ATP2C1: variants seen among roughly 807,000 people sequenced by gnomAD.
ATP2C1 encodes the protein ATPase secretory pathway Ca2+ transporting 1.
Under a neutral mutation model 120.5 loss-of-function variants are expected in ATP2C1, and 31 were observed. The ratio of observed to expected loss-of-function variants is 0.26; its 90% CI spans 0.19 to 0.35. The LOEUF is 0.35. Among genes scored for constraint, ATP2C1 ranks in the 10% least tolerant of loss-of-function variants. The pLI is 1.00. For synonymous variants in ATP2C1, 351 were observed against 358.7 expected (o/e 0.98, Z 0.24); for missense variants, 731 against 1,107.5 (o/e 0.66, Z 4.83).
In ATP2C1 at chr3:130,913,930, T is replaced by TA. The variant is rs200812079; in HGVS notation, c.7-16480dup. Reference sequence around the variant, plus strand: ...TTCTTTAATCTTTAATTTCCCTATCTAAAAAAGTAGTAAAAATAATGCCCT... The same window carrying TA: ...TTCTTTAATCTTTAATTTCCCTATCTAAAAAAAGTAGTAAAAATAATGCCCT... On this transcript the variant is annotated intron_variant, in intron 2 of 27. Transcript: ENST00000510168. Among the ~76,000 whole-genome samples the TA allele has an allele frequency of 5.1e-3, 780 of 152,254 alleles. 6 individuals carry two copies. The highest frequency in any genetic ancestry group is 0.018 in the African/African-American group (749 of 41,550).
At chr3:130,871,693 C>T (rs2068435592) in intron 1 of ATP2C1, among the ~76,000 whole-genome samples, 1 of 152,160 alleles carries the variant, frequency 6.6e-6, no homozygotes, top group Non-Finnish European at 1.5e-5. Flanking sequence ...TTTTCATTCA[C>T]CTTGGCTGAT....
intron 20 of ATP2C1, among the ~76,000 whole-genome samples, chr3:130,989,804 A>G (rs1355831957): frequency 6.6e-6 from 1 of 152,244 alleles, no homozygotes; most frequent in East Asian, 1.9e-4. Flanking sequence ...AGCTTTTGCC[A>G]AACACTTGTT....
intron 10 of ATP2C1, 54 bp from the exon 11 acceptor site, chr3:130,956,050 T>C (rs1268720290): frequency 3.2e-6 from 4 of 1,254,792 alleles, no homozygotes; most frequent in South Asian, 2.4e-5. Context: ...TGGCACTTGA[T>C]AAAGCTTAGT....
At chr3:130,973,653 G>C (rs906247326) in intron 17 of ATP2C1, among the ~76,000 whole-genome samples, 7 of 152,120 alleles carry the variant, frequency 4.6e-5, no homozygotes, top group Non-Finnish European at 8.8e-5. Flanking sequence ...GGAAACTTAT[G>C]AATTATTTAT....
intron 2 of ATP2C1, among the ~76,000 whole-genome samples, chr3:130,924,752 CTTTG>C (rs967343571): frequency 9.2e-5 from 14 of 152,122 alleles, no homozygotes; most frequent in Non-Finnish European, 1.5e-4. Flanking sequence ...TTCACGGATG[CTTTG>C]TTTATTTTTT....
chr3:130,998,701 C>T (rs928284403), intron 26 of ATP2C1, among the ~76,000 whole-genome samples: 1 of 152,182 alleles, frequency 6.6e-6, no homozygotes, highest in African/African-American at 2.4e-5. Context: ...GAACAAACCT[C>T]ATAGTTTCTG....
At chr3:130,858,115 G>A (rs1384094660) in intron 1 of ATP2C1, among the ~76,000 whole-genome samples, 1 of 152,126 alleles carries the variant, frequency 6.6e-6, no homozygotes, top group Admixed American at 6.5e-5. Context: ...TCTTCTGCCT[G>A]CTTTATTCTA....
chr3:130,936,621 GC>G (rs1252401735), intron 5 of ATP2C1, among the ~76,000 whole-genome samples: 4 of 151,604 alleles, frequency 2.6e-5, no homozygotes, highest in African/African-American at 9.7e-5. Flanking sequence ...GACCATCCTG[GC>G]TAACATGGTG....
intron 2 of ATP2C1, among the ~76,000 whole-genome samples, chr3:130,905,341 G>A (rs1484976276): frequency 2.0e-5 from 3 of 151,816 alleles, no homozygotes; most frequent in African/African-American, 7.3e-5. Context: ...TCCACCATAG[G>A]GTCCATTTTG....
intron 1 of ATP2C1, among the ~76,000 whole-genome samples, chr3:130,870,488 C>T (rs1342243673): frequency 6.6e-6 from 1 of 152,184 alleles, no homozygotes. Flanking sequence ...AAAGTGTCAA[C>T]ATTAACAGGA....
chr3:130,991,628 T>C lies in ATP2C1; in HGVS notation c.1840-1323T>C, dbSNP rs184413222. ...GAAGTGGTTTTTCTTTCTTTTTTTATATGGAAGGGACAACATGTTTTTGTA... is the reference window on the plus strand; with the variant it reads ...GAAGTGGTTTTTCTTTCTTTTTTTACATGGAAGGGACAACATGTTTTTGTA... On this transcript the variant is annotated intron_variant, in intron 20 of 27. Transcript: ENST00000510168. 2.2e-3 allele frequency among the ~76,000 whole-genome samples: 332 copies of C among 152,270 alleles called. 1 individual carries two copies. Among genetic ancestry groups the C allele is most frequent in the African/African-American group, 7.6e-3 (315 of 41,558 alleles).
rs1210461087 is a variant in ATP2C1 at position 131,001,492 on chromosome 3, G to A, written c.*142G>A. ...ATGAACATTAATGTTAAAGACTTAAGACTTTAACCTGCTGGCAGTCCCAAA... is the reference window on the plus strand; with the variant it reads ...ATGAACATTAATGTTAAAGACTTAAAACTTTAACCTGCTGGCAGTCCCAAA... On this transcript the variant is annotated 3_prime_UTR_variant, in exon 28 of 28. Coordinates refer to ENST00000510168, the MANE Select transcript of ATP2C1 (RefSeq NM_001378687.1). The A allele has an allele frequency of 3.0e-6, 4 of 1,354,778 alleles. No homozygotes were observed. The highest frequency in any genetic ancestry group is 3.8e-6 in the Non-Finnish European group (4 of 1,052,686). 83.9% of individuals were successfully genotyped at this position (1,354,778 alleles called of 1,614,324 possible). A position where few individuals can be genotyped will look rare whatever the true frequency, so the allele number is the denominator to read the frequency against.
chr3:131,001,951 A>T lies in ATP2C1; in HGVS notation c.*601A>T. The stretch of plus-strand genomic sequence containing the variant: ...GTTCTTTTCTTTCTTTTTGTGATTG[A>T]AAAGCCTATACTACAATTTGAAGTA... On this transcript the variant is annotated 3_prime_UTR_variant, in exon 28 of 28. Transcript: ENST00000510168. 1 of 984,092 alleles carries T rather than the reference A, an allele frequency of 1.0e-6. No individual in the cohort carries two copies. The highest frequency in any genetic ancestry group is 1.2e-6 in the Non-Finnish European group (1 of 828,406). The allele number at this position is 984,092 out of a possible 1,614,324, so 61.0% of individuals were successfully genotyped here.
chr3:130,967,431 A>G lies in ATP2C1; in HGVS notation c.1308+12A>G. On this transcript the variant is annotated intron_variant, in intron 16 of 27. Transcript: ENST00000510168. ...CTCTTGCAATGAAGGTACGTACCTA[A>G]ATTTCTCTTCTTTGACATTTGAGAC... 1.2e-6 allele frequency: 2 copies of G among 1,609,222 alleles called. No individual in the cohort carries two copies. The highest frequency in any genetic ancestry group is 1.7e-6 in the Non-Finnish European group (2 of 1,175,814).
intron 1 of ATP2C1, among the ~76,000 whole-genome samples, chr3:130,873,796 C>A (rs1190462672): frequency 6.6e-6 from 1 of 152,032 alleles, no homozygotes; most frequent in African/African-American, 2.4e-5. Context: ...TCGAATCTGT[C>A]ACTAAGTAAT....
chr3:130,884,062 C>T (rs2068881671), intron 1 of ATP2C1, among the ~76,000 whole-genome samples: 1 of 151,840 alleles, frequency 6.6e-6, no homozygotes, highest in South Asian at 2.1e-4. Context: ...CCACCTCAGC[C>T]TCCCGAGTAG....
chr3:130,979,205 A>T (rs751827672), intron 18 of ATP2C1, 44 bp from the exon 19 acceptor site: 1 of 1,597,070 alleles, frequency 6.3e-7, no homozygotes, highest in Non-Finnish European at 8.6e-7. Flanking sequence ...TGTTTTCATG[A>T]CTCACTTTTT....
intron 17 of ATP2C1, among the ~76,000 whole-genome samples, chr3:130,973,062 T>C (rs2108721634): frequency 9.4e-6 from 1 of 106,770 alleles, no homozygotes; most frequent in South Asian, 2.7e-4. Context: ...ATGTACAGTA[T>C]AAAAGGTAAA....
chr3:130,998,210 A>C (rs1182496917), intron 25 of ATP2C1, 84 bp from the exon 26 acceptor site: 2 of 951,224 alleles, frequency 2.1e-6, no homozygotes, highest in African/African-American at 3.3e-5. Flanking sequence ...TAATGGAAAG[A>C]AAATGTTTAT....
Sources: allele counts gnomAD v4.1 joint callset (sites outside exome capture counted in the v4.1 genomes callset), GRCh38; gene constraint gnomAD v4.1.1; transcripts MANE v1.5; gene names NCBI Gene and HGNC (gene_info 2026-07-23, HGNC 2026-07-21).